Variants in PDSS2 observed in about 807,000 individuals in gnomAD.
PDSS2 encodes decaprenyl diphosphate synthase subunit 2.
Under a neutral mutation model 44.5 loss-of-function variants are expected in PDSS2, and 31 were observed. The observed-to-expected ratio is 0.70, with a 90% CI of 0.52 to 0.94. The LOEUF (loss-of-function observed/expected upper bound fraction) is 0.94, where lower values mean the gene tolerates loss of function less well. PDSS2 is among the 40% of genes least tolerant of loss of function. The pLI is 0.00. For synonymous variants in PDSS2, 157 were observed against 180.3 expected (o/e 0.87, Z 1.03); for missense variants, 452 against 482.2 (o/e 0.94, Z 0.59).
chr6:107,197,764 G>A (rs1002035573), intron 6 of PDSS2: 2 of 465,904 alleles, frequency 4.3e-6, no homozygotes, highest in Non-Finnish European at 9.0e-6. Context: ...CACTGTCAAT[G>A]TTGCCTCTCT....
chr6:107,162,880 C>T (rs1771199161), intron 7 of PDSS2, among the ~76,000 whole-genome samples: 1 of 152,162 alleles, frequency 6.6e-6, no homozygotes, highest in African/African-American at 2.4e-5. Flanking sequence ...GCTGGGATTA[C>T]AGGCATGAGC....
intron 1 of PDSS2, among the ~76,000 whole-genome samples, chr6:107,415,316 AT>A (rs1456921070): frequency 1.3e-5 from 2 of 151,616 alleles, no homozygotes; most frequent in Non-Finnish European, 1.5e-5. Flanking sequence ...AACAAAAAAA[AT>A]TTTTTTTTGT....
intron 7 of PDSS2, among the ~76,000 whole-genome samples, chr6:107,167,216 T>C (rs143096253): frequency 0.023 from 3,412 of 151,470 alleles, 127 homozygotes; most frequent in African/African-American, 0.078. Flanking sequence ...GGAGGGTGTA[T>C]GTGTCCAGGA....
chr6:107,368,220 G>A (rs993709694), intron 1 of PDSS2, among the ~76,000 whole-genome samples: 4 of 146,392 alleles, frequency 2.7e-5, no homozygotes, highest in African/African-American at 7.6e-5. Context: ...AGTGAGACAA[G>A]ATCAGGACAC....
chr6:107,340,110 T>C (rs1778036386), intron 1 of PDSS2, among the ~76,000 whole-genome samples: 1 of 151,996 alleles, frequency 6.6e-6, no homozygotes, highest in South Asian at 2.1e-4. Context: ...ATAATGTTGA[T>C]TCAACTCAAA....
intron 1 of PDSS2, among the ~76,000 whole-genome samples, chr6:107,341,922 A>G (rs941555668): frequency 1.1e-4 from 16 of 152,218 alleles, no homozygotes; most frequent in African/African-American, 3.6e-4. Context: ...CAAGGTAACT[A>G]GTAATATCCC....
intron 1 of PDSS2, among the ~76,000 whole-genome samples, chr6:107,347,087 A>G (rs1479741216): frequency 2.6e-5 from 4 of 152,242 alleles, no homozygotes; most frequent in Admixed American, 2.0e-4. Context: ...AAAACCTCAC[A>G]GACTGCAGGA....
At chr6:107,183,516 G>C (rs1031769182) in intron 7 of PDSS2, among the ~76,000 whole-genome samples, 2 of 152,104 alleles carry the variant, frequency 1.3e-5, no homozygotes, top group African/African-American at 4.8e-5. Flanking sequence ...TAGCCAAAAT[G>C]GTGAAACCCC....
At chr6:107,408,729 T>G (rs1025261334) in intron 1 of PDSS2, among the ~76,000 whole-genome samples, 3 of 152,208 alleles carry the variant, frequency 2.0e-5, no homozygotes, top group Admixed American at 6.5e-5. Context: ...TTTTTCATTG[T>G]TACCATGCCT....
At chr6:107,334,600 G>A (rs941606264) in intron 1 of PDSS2, among the ~76,000 whole-genome samples, 8 of 151,208 alleles carry the variant, frequency 5.3e-5, no homozygotes, top group Non-Finnish European at 1.0e-4. Flanking sequence ...GAGTGCAGTG[G>A]CACAATCTCA....
chr6:107,193,942 G>T, intron 6 of PDSS2, 88 bp from the exon 7 acceptor site: 1 of 816,058 alleles, frequency 1.2e-6, no homozygotes, highest in Non-Finnish European at 2.2e-6. Context: ...ATAGAACTCA[G>T]CTTCTCTGTC....
chr6:107,256,423 C>CT (rs1775024427), intron 3 of PDSS2, among the ~76,000 whole-genome samples: 1 of 152,152 alleles, frequency 6.6e-6, no homozygotes, highest in South Asian at 2.1e-4. Flanking sequence ...GCTGCCATGT[C>CT]TTTTGGGTAA....
At chr6:107,247,371 C>G (rs1774656683) in intron 3 of PDSS2, among the ~76,000 whole-genome samples, 1 of 152,168 alleles carries the variant, frequency 6.6e-6, no homozygotes, top group Non-Finnish European at 1.5e-5. Flanking sequence ...CCCTGAAATT[C>G]CAGACCAGGC....
intron 4 of PDSS2, among the ~76,000 whole-genome samples, chr6:107,240,293 C>G (rs1774374120): frequency 6.6e-6 from 1 of 151,932 alleles, no homozygotes; most frequent in Non-Finnish European, 1.5e-5. Context: ...ACTGTGGTCC[C>G]AGCTATTCGG....
chr6:107,359,214 G>A (rs1329375195), intron 1 of PDSS2, among the ~76,000 whole-genome samples: 1 of 151,372 alleles, frequency 6.6e-6, no homozygotes, highest in East Asian at 2.0e-4. Flanking sequence ...GCTTCATCAT[G>A]TTGGCCAGGC....
chr6:107,273,783 A>C (rs1189642723), intron 3 of PDSS2, among the ~76,000 whole-genome samples: 1 of 148,762 alleles, frequency 6.7e-6, no homozygotes, highest in East Asian at 1.9e-4. Context: ...TGAAGATTTA[A>C]CCCTATCCTA....
At chr6:107,269,437 C>T (rs1361700624) in intron 3 of PDSS2, among the ~76,000 whole-genome samples, 1 of 150,644 alleles carries the variant, frequency 6.6e-6, no homozygotes, top group Non-Finnish European at 1.5e-5. Context: ...CATTTCAAAT[C>T]GCAACTACAG....
intron 2 of PDSS2, among the ~76,000 whole-genome samples, chr6:107,319,114 A>C (rs926660326): frequency 1.3e-5 from 2 of 152,186 alleles, no homozygotes; most frequent in Admixed American, 6.6e-5. Context: ...GAACTGGTCA[A>C]GTACTACAGA....
At chr6:107,329,872 G>C (rs62430090) in intron 2 of PDSS2, among the ~76,000 whole-genome samples, 1 of 151,744 alleles carries the variant, frequency 6.6e-6, no homozygotes, top group East Asian at 1.9e-4. Context: ...GCAGTGGCGG[G>C]CGCCTGTAAT....
Sources: allele counts gnomAD v4.1 joint callset (sites outside exome capture counted in the v4.1 genomes callset), GRCh38; gene constraint gnomAD v4.1.1; transcripts MANE v1.5; gene names NCBI Gene and HGNC (gene_info 2026-07-23, HGNC 2026-07-21).